NRG3: variants seen among roughly 807,000 people sequenced by gnomAD.
NRG3 encodes neuregulin 3, also known as pro-neuregulin-3, membrane-bound isoform.
Under a neutral mutation model 66.9 loss-of-function variants are expected in NRG3, and 31 were observed. The observed-to-expected ratio is 0.46, with a 90% CI of 0.35 to 0.63. NRG3 has a LOEUF of 0.63. Among genes scored for constraint, NRG3 ranks in the 20% least tolerant of loss-of-function variants. NRG3 has a pLI of 0.00. For missense variants in NRG3, 910 were observed against 878.9 expected, an observed-to-expected ratio of 1.04 and a Z score of -0.45; for synonymous variants, 393 against 359.4, an observed-to-expected ratio of 1.09 and a Z score of -1.06.
At chr10:82,222,574 G>T (rs2075990030) in intron 1 of NRG3, among the ~76,000 whole-genome samples, 1 of 150,474 alleles carries the variant, frequency 6.6e-6, no homozygotes, top group African/African-American at 2.4e-5. Flanking sequence ...CCTCCTGTAG[G>T]GCATTTCTAA....
rs531731899 is a variant in NRG3, at chr10:82,234,070, C to T, written c.824-124669C>T. 6.6e-5 allele frequency among the ~76,000 whole-genome samples: 10 copies of T among 152,252 alleles called. No homozygotes were observed. The South Asian group carries it at 1.0e-3, about 16-fold the overall frequency. ...GGTAAAACAAACGACAATCACTCCCCGGCTCAAAACCATTCTCATTGATTT... is the reference window on the plus strand; with the variant it reads ...GGTAAAACAAACGACAATCACTCCCTGGCTCAAAACCATTCTCATTGATTT... On this transcript the variant is annotated intron_variant, in intron 1 of 8. Coordinates refer to ENST00000372141, the MANE Select transcript of NRG3 (RefSeq NM_001010848.4).
intron 1 of NRG3, among the ~76,000 whole-genome samples, chr10:82,356,447 A>T (rs1482418681): frequency 6.6e-6 from 1 of 152,146 alleles, no homozygotes; most frequent in Non-Finnish European, 1.5e-5. Context: ...TTCATATTGA[A>T]TTTTTTGCTC....
chr10:82,948,577 T>C (rs993714697), intron 4 of NRG3, among the ~76,000 whole-genome samples: 3 of 152,176 alleles, frequency 2.0e-5, no homozygotes, highest in Admixed American at 6.5e-5. Context: ...AAACATGTTA[T>C]ATCTATTTAT....
At chr10:82,708,577 G>A (rs1041800093) in intron 2 of NRG3, among the ~76,000 whole-genome samples, 6 of 151,998 alleles carry the variant, frequency 3.9e-5, no homozygotes, top group Non-Finnish European at 5.9e-5. Context: ...TTTTTAAATT[G>A]TATCCAGTTA....
chr10:82,825,853 G>A (rs1317791085), intron 3 of NRG3, among the ~76,000 whole-genome samples: 1 of 152,184 alleles, frequency 6.6e-6, no homozygotes, highest in Non-Finnish European at 1.5e-5. Flanking sequence ...GGTCCAGGCT[G>A]TTAAAAATGC....
At position 82,120,816 on chromosome 10, in the gene NRG3, G is replaced by C. The variant is rs138397177; in HGVS notation, c.824-237923G>C. ...CAGTTGCCAAGAGCTGGAGATTCAGGGTCATGGATATGCTTCCCACAGCTC... is the reference window on the plus strand; with the variant it reads ...CAGTTGCCAAGAGCTGGAGATTCAGCGTCATGGATATGCTTCCCACAGCTC... On this transcript the variant is annotated intron_variant, in intron 1 of 8. Transcript: ENST00000372141. Among the ~76,000 whole-genome samples, 148 of 152,132 alleles carry C rather than the reference G, an allele frequency of 9.7e-4. 1 individual carries two copies. The highest frequency in any genetic ancestry group is 3.4e-3 in the African/African-American group (143 of 41,528).
intron 1 of NRG3, chr10:82,225,358 G>A (rs893489051): frequency 2.6e-5 from 4 of 152,142 alleles, no homozygotes; most frequent in African/African-American, 9.7e-5. Flanking sequence ...CATATAATAG[G>A]ATAGACTCTA....
intron 2 of NRG3, among the ~76,000 whole-genome samples, chr10:82,376,743 G>A (rs2085266788): frequency 6.6e-6 from 1 of 152,102 alleles, no homozygotes; most frequent in African/African-American, 2.4e-5. Context: ...GTTTAGTAAG[G>A]TTTTCCATGG....
intron 2 of NRG3, among the ~76,000 whole-genome samples, chr10:82,456,875 C>T (rs1438172582): frequency 5.9e-5 from 9 of 152,134 alleles, no homozygotes; most frequent in African/African-American, 2.2e-4. Context: ...AAGCCTTTCT[C>T]TAGAGTTTTG....
intron 2 of NRG3, among the ~76,000 whole-genome samples, chr10:82,400,724 C>T (rs922452033): frequency 6.6e-6 from 1 of 151,942 alleles, no homozygotes; most frequent in Admixed American, 6.6e-5. Flanking sequence ...TGCACCACCA[C>T]ACCTGGCTAA....
chr10:82,807,209 A>C (rs2061326573), intron 3 of NRG3, among the ~76,000 whole-genome samples: 1 of 152,192 alleles, frequency 6.6e-6, no homozygotes, highest in Non-Finnish European at 1.5e-5. Flanking sequence ...TAAAAAGACA[A>C]ATGTTATAAA....
intron 1 of NRG3, among the ~76,000 whole-genome samples, chr10:81,928,188 C>T (rs981514392): frequency 6.6e-6 from 1 of 152,118 alleles, no homozygotes; most frequent in African/African-American, 2.4e-5. Flanking sequence ...AAGGAAGTAA[C>T]ATATTATGTA....
intron 2 of NRG3, among the ~76,000 whole-genome samples, chr10:82,651,005 G>A (rs1222960615): frequency 1.3e-5 from 2 of 152,168 alleles, no homozygotes; most frequent in Non-Finnish European, 2.9e-5. Context: ...GCTCAAGTTT[G>A]CATACAAAAA....
At position 82,569,062 on chromosome 10, in the gene NRG3, T is replaced by C. The variant is rs569145351; in HGVS notation, c.954-169515T>C. ...CTGTAGTAATATATTCCGTTAACTC[T>C]TATTTTGCTGTTAGACCCAACATTA... On this transcript the variant is annotated intron_variant, in intron 2 of 8. Coordinates refer to ENST00000372141, the MANE Select transcript of NRG3 (RefSeq NM_001010848.4). 2.0e-5 allele frequency among the ~76,000 whole-genome samples: 3 copies of C among 151,878 alleles called. No homozygotes were observed. The South Asian group carries it at 6.2e-4, about 31-fold the overall frequency.
chr10:82,009,171 G>A (rs1280256502), intron 1 of NRG3, among the ~76,000 whole-genome samples: 1 of 152,160 alleles, frequency 6.6e-6, no homozygotes, highest in Non-Finnish European at 1.5e-5. Context: ...GTAATAAAAT[G>A]TTAATGTGTA....
At chr10:82,526,703 C>T (rs1458248702) in intron 2 of NRG3, among the ~76,000 whole-genome samples, 1 of 151,684 alleles carries the variant, frequency 6.6e-6, no homozygotes, top group Non-Finnish European at 1.5e-5. Flanking sequence ...TTTATATTCA[C>T]CTGGTAACAG....
intron 1 of NRG3, chr10:81,877,864 A>G (rs886397649): frequency 1.1e-5 from 17 of 1,516,748 alleles, no homozygotes; most frequent in Non-Finnish European, 1.5e-5. Flanking sequence ...TAAAGGATTC[A>G]TGAGTGTATG....
At chr10:82,371,926 C>T (rs1366584904) in intron 2 of NRG3, among the ~76,000 whole-genome samples, 1 of 152,142 alleles carries the variant, frequency 6.6e-6, no homozygotes, top group Non-Finnish European at 1.5e-5. Flanking sequence ...GCTCTCATGA[C>T]TCAAATACCT....
chr10:82,667,139 A>G (rs758210140), intron 2 of NRG3, among the ~76,000 whole-genome samples: 11 of 152,338 alleles, frequency 7.2e-5, no homozygotes, highest in Admixed American at 3.3e-4. Context: ...ATGAGGGACT[A>G]TAGTCCTCTG....
Sources: allele counts gnomAD v4.1 joint callset (sites outside exome capture counted in the v4.1 genomes callset), GRCh38; gene constraint gnomAD v4.1.1; transcripts MANE v1.5; gene names NCBI Gene and HGNC (gene_info 2026-07-23, HGNC 2026-07-21).